The following EXT1 variants were observed in gnomAD, a reference collection of about 807,000 sequenced individuals.
The protein encoded by EXT1 is exostosin glycosyltransferase 1.
Under a neutral mutation model 82.5 loss-of-function variants are expected in EXT1, and 20 were observed. The ratio of observed to expected loss-of-function variants is 0.24; its 90% CI spans 0.17 to 0.35. EXT1 has a LOEUF of 0.35. EXT1 is among the 10% of genes least tolerant of loss of function. EXT1 has a pLI of 1.00. For synonymous variants in EXT1, 348 were observed against 350.8 expected, an observed-to-expected ratio of 0.99 and a Z score of 0.09; for missense variants, 757 against 936.5, an observed-to-expected ratio of 0.81 and a Z score of 2.50.
At chr8:118,025,069 G>A (rs915719943) in intron 1 of EXT1, among the ~76,000 whole-genome samples, 3 of 152,164 alleles carry the variant, frequency 2.0e-5, no homozygotes, top group African/African-American at 7.2e-5. Context: ...TTGCTTCTGA[G>A]GAAAGAAACT....
chr8:117,958,084 A>T (rs1814624632), intron 1 of EXT1, among the ~76,000 whole-genome samples: 1 of 151,642 alleles, frequency 6.6e-6, no homozygotes, highest in Non-Finnish European at 1.5e-5. Flanking sequence ...AACAAACTGA[A>T]TACCCACCTC....
Position 117,809,242 on chromosome 8 carries a change from T to TATATATATATATA in EXT1, c.1723-1866_1723-1865insTATATATATATAT, listed in dbSNP as rs796605483. Among the ~76,000 whole-genome samples the TATATATATATATA allele has an allele frequency of 4.1e-3, 580 of 141,196 alleles. 8 individuals carry two copies. The highest frequency in any genetic ancestry group is 0.013 in the East Asian group (62 of 4,722). The allele number at this position is 141,196 out of a possible 152,430, so 92.6% of individuals were successfully genotyped here. ...AAATATATATATATATATATATATA[T>TATATATATATATA]ATTATGTTCTATTGATTCTGTTTGC... On this transcript the variant is annotated intron_variant, in intron 8 of 10. Coordinates refer to ENST00000378204, the MANE Select transcript of EXT1 (RefSeq NM_000127.3).
intron 1 of EXT1, among the ~76,000 whole-genome samples, chr8:117,972,712 A>G (rs542565421): frequency 6.6e-6 from 1 of 152,296 alleles, no homozygotes; most frequent in South Asian, 2.1e-4. Flanking sequence ...GTAGCTGGGG[A>G]GGCCTCAGGA....
chr8:117,895,578 C>T (rs1043319863), intron 1 of EXT1, among the ~76,000 whole-genome samples: 5 of 152,256 alleles, frequency 3.3e-5, no homozygotes, highest in South Asian at 2.1e-4. Context: ...GAGTGTTATA[C>T]GAAAATGTTA....
chr8:118,032,966 C>G (rs1026992659), intron 1 of EXT1, among the ~76,000 whole-genome samples: 35 of 152,154 alleles, frequency 2.3e-4, no homozygotes, highest in African/African-American at 8.2e-4. Flanking sequence ...TAAAAAAATG[C>G]AGCACAATTT....
intron 1 of EXT1, 49 bp downstream of exon 1, chr8:118,110,036 G>A (rs1430259148): frequency 1.2e-6 from 2 of 1,612,212 alleles, no homozygotes; most frequent in East Asian, 2.2e-5. Flanking sequence ...GACCAAGGCC[G>A]GCAGAGCCCA....
chr8:117,965,434 G>T (rs1022341367), intron 1 of EXT1, among the ~76,000 whole-genome samples: 2 of 151,858 alleles, frequency 1.3e-5, no homozygotes, highest in Non-Finnish European at 2.9e-5. Context: ...GTGTTTCAAT[G>T]GATACACTAA....
intron 1 of EXT1, among the ~76,000 whole-genome samples, chr8:118,058,594 GAGA>G (rs1225268745): frequency 2.0e-5 from 3 of 152,216 alleles, no homozygotes; most frequent in South Asian, 2.1e-4. Context: ...TTTCACAATT[GAGA>G]AGAACTAGAA....
chr8:117,804,062 T>C (rs1159216511), intron 10 of EXT1, among the ~76,000 whole-genome samples: 1 of 152,240 alleles, frequency 6.6e-6, no homozygotes, highest in Non-Finnish European at 1.5e-5. Context: ...CAATCAACTT[T>C]CATAAGTTAT....
intron 1 of EXT1, among the ~76,000 whole-genome samples, chr8:117,890,744 G>T (rs1813228605): frequency 6.6e-6 from 1 of 152,164 alleles, no homozygotes; most frequent in African/African-American, 2.4e-5. Flanking sequence ...GAAGGTGTGA[G>T]CAAGTTCAAG....
At position 118,110,762 on chromosome 8, in the gene EXT1, G is replaced by C; in HGVS notation, c.285C>G (p.Gly95=). 6.2e-7 allele frequency: 1 copy of C among 1,614,200 alleles called. No individual in the cohort carries two copies. Among genetic ancestry groups the C allele is most frequent in the South Asian group, 1.1e-5 (1 of 91,082 alleles). The change falls in exon 1 of 11, where the codon GGC becomes GGG. Residue 95 remains glycine, a synonymous_variant. Coordinates refer to ENST00000378204, the MANE Select transcript of EXT1 (RefSeq NM_000127.3). ...KRDANSSIYK[G]KKCRMESCFD... is the part of the protein sequence containing the mutation. ...AGCAGGACTCCATGCGGCACTTCTTGCCTTTGTAGATGCTGGAGTTGGCAT... is the reference window on the plus strand; with the variant it reads ...AGCAGGACTCCATGCGGCACTTCTTCCCTTTGTAGATGCTGGAGTTGGCAT...
chr8:117,848,641 G>A (rs181805617), intron 1 of EXT1, among the ~76,000 whole-genome samples: 59 of 152,248 alleles, frequency 3.9e-4, no homozygotes, highest in Admixed American at 6.5e-4. Context: ...GCACTGGGAC[G>A]CCATGAAGCA....
chr8:117,804,594 G>T, intron 10 of EXT1, 128 bp downstream of exon 10: 2 of 996,024 alleles, frequency 2.0e-6, no homozygotes, highest in Non-Finnish European at 3.2e-6. Flanking sequence ...GCTTTCAGAT[G>T]TAGTTCATTC....
At chr8:117,873,091 G>T (rs1300786956) in intron 1 of EXT1, among the ~76,000 whole-genome samples, 1 of 152,156 alleles carries the variant, frequency 6.6e-6, no homozygotes, top group Non-Finnish European at 1.5e-5. Context: ...TTTTATAAAA[G>T]AGACTGCAGA....
At chr8:117,875,704 T>G (rs1052875714) in intron 1 of EXT1, among the ~76,000 whole-genome samples, 10 of 151,964 alleles carry the variant, frequency 6.6e-5, no homozygotes, top group Non-Finnish European at 1.5e-4. Context: ...CCAAGTACCA[T>G]CTTTGGGGAG....
At chr8:118,002,381 C>CAAAAAAA (rs772109456) in intron 1 of EXT1, among the ~76,000 whole-genome samples, 1 of 61,038 alleles carries the variant, frequency 1.6e-5, no homozygotes, top group Non-Finnish European at 3.3e-5. Context: ...ACTCCGTCTC[C>CAAAAAAA]AAAAAAAAAA....
intron 1 of EXT1, among the ~76,000 whole-genome samples, chr8:118,032,793 A>T (rs1275525220): frequency 1.3e-5 from 2 of 152,156 alleles, no homozygotes; most frequent in African/African-American, 2.4e-5. Context: ...TACAGACGTG[A>T]GCCACTGCGC....
At chr8:117,962,550 G>A (rs562127089) in intron 1 of EXT1, among the ~76,000 whole-genome samples, 2 of 152,088 alleles carry the variant, frequency 1.3e-5, no homozygotes, top group Non-Finnish European at 1.5e-5. Context: ...TCAGGAGTTC[G>A]AGACCAGCCT....
At chr8:117,924,415 C>G (rs1813916969) in intron 1 of EXT1, among the ~76,000 whole-genome samples, 2 of 152,170 alleles carry the variant, frequency 1.3e-5, no homozygotes, top group Admixed American at 1.3e-4. Context: ...GAATGGGAAT[C>G]CCTTTGGATT....
Sources: gnomAD v4.1 joint callset for allele counts (sites outside exome capture counted in the v4.1 genomes callset) on GRCh38, gnomAD v4.1.1 for gene constraint, MANE v1.5 for transcripts, NCBI Gene and HGNC (gene_info 2026-07-23, HGNC 2026-07-21) for gene names.